Variants in GFRA1 observed in about 807,000 individuals in gnomAD.
GFRA1 encodes the protein GDNF family receptor alpha 1.
In GFRA1, 16 loss-of-function variants were observed where a neutral mutation model predicts 51.6. That is an observed-to-expected ratio of 0.31 (90% CI 0.21 to 0.47). GFRA1 has a LOEUF of 0.47. Among genes scored for constraint, GFRA1 ranks in the 20% least tolerant of loss-of-function variants. The pLI is 1.00. For synonymous variants in GFRA1, 270 were observed against 241.3 expected (o/e 1.12, Z -1.10); for missense variants, 530 against 594.3 (o/e 0.89, Z 1.13).
In GFRA1 at chr10:116,272,119, C is replaced by T. The variant is rs1419710674; in HGVS notation, c.-90G>A. On this transcript the variant is annotated 5_prime_UTR_variant, in exon 2 of 11. Transcript: ENST00000355422. This position sits in a 1 kb window ranked among gnomAD's most constrained non-coding sequence, Gnocchi z 4.4. ...GAGGGAGCTCAGCGTGCAGCGATCC[C>T]CGGACAGCTGTGCTGCTCTGGCCGC... 2 of 1,112,066 alleles carry T rather than the reference C, an allele frequency of 1.8e-6. No homozygotes were observed. Among genetic ancestry groups the T allele is most frequent in the African/African-American group, 3.1e-5 (2 of 65,068 alleles). 68.9% of individuals were successfully genotyped at this position (1,112,066 alleles called of 1,614,324 possible).
chr10:116,139,529 A>G (rs1410555687), intron 5 of GFRA1, among the ~76,000 whole-genome samples: 1 of 152,224 alleles, frequency 6.6e-6, no homozygotes, highest in Non-Finnish European at 1.5e-5. Context: ...AGCATGTGTG[A>G]GGCTGAAGCT....
Position 116,062,282 on chromosome 10 carries a change from A to G in GFRA1, c.*2116T>C. The G allele has an allele frequency of 2.5e-6, 1 of 396,694 alleles. No homozygotes were observed. The highest frequency in any genetic ancestry group is 4.4e-5 in the Admixed American group (1 of 22,722). 24.6% of individuals were successfully genotyped at this position (396,694 alleles called of 1,614,324 possible). On this transcript the variant is annotated 3_prime_UTR_variant, in exon 11 of 11. Coordinates refer to ENST00000355422, the MANE Select transcript of GFRA1 (RefSeq NM_005264.8). ...TTAATGAAAACAAAATACACTCTGT[A>G]AGAGATATGCGCTCATAGATAACTG...
At chr10:116,254,949 G>A (rs1437860518) in intron 4 of GFRA1, among the ~76,000 whole-genome samples, 1 of 152,152 alleles carries the variant, frequency 6.6e-6, no homozygotes, top group South Asian at 2.1e-4. Flanking sequence ...AGAAGACTGA[G>A]ATAAATGTGT....
intron 4 of GFRA1, among the ~76,000 whole-genome samples, chr10:116,219,529 T>C (rs565469693): frequency 2.3e-4 from 35 of 152,298 alleles, no homozygotes; most frequent in Non-Finnish European, 3.8e-4. Flanking sequence ...TAGCAACCAG[T>C]GTTTTCCTTT....
At chr10:116,267,559 C>T (rs1411244986) in intron 4 of GFRA1, among the ~76,000 whole-genome samples, 1 of 152,166 alleles carries the variant, frequency 6.6e-6, no homozygotes, top group African/African-American at 2.4e-5. Context: ...TGCTTTCTCA[C>T]TATCAATGAC....
chr10:116,154,686 C>G (rs754425156), intron 5 of GFRA1, among the ~76,000 whole-genome samples: 1 of 152,198 alleles, frequency 6.6e-6, no homozygotes, highest in Non-Finnish European at 1.5e-5. Flanking sequence ...GATTTGTTCA[C>G]TATTCTGTGA....
rs1311252468 is a variant in GFRA1, at chr10:116,059,251, A to C, written c.*5147T>G. On this transcript the variant is annotated 3_prime_UTR_variant, in exon 11 of 11. Transcript: ENST00000355422. ...CTATGGGTCATGCTTTCTGCTGAAG[A>C]AGCCTGGGTGTGAGCAGCAAGAGAT... 2 of 152,232 alleles carry C rather than the reference A, an allele frequency of 1.3e-5. No homozygotes were observed. The highest frequency in any genetic ancestry group is 2.4e-5 in the African/African-American group (1 of 41,456). The allele number at this position is 152,232 out of a possible 1,614,324, so 9.4% of individuals were successfully genotyped here.
intron 4 of GFRA1, among the ~76,000 whole-genome samples, chr10:116,251,963 CTTTTTTTTTTTTTT>C (rs3032041): frequency 2.5e-5 from 2 of 79,802 alleles, no homozygotes; most frequent in Non-Finnish European, 2.3e-5. Context: ...CAATAGGCCT[CTTTTTTTTTTTTTT>C]TTTTTTTTTT....
At chr10:116,156,695 G>A (rs1481735915) in intron 5 of GFRA1, among the ~76,000 whole-genome samples, 2 of 152,136 alleles carry the variant, frequency 1.3e-5, no homozygotes, top group African/African-American at 4.8e-5. Flanking sequence ...TTAACCATCT[G>A]TTTTTGGCTG....
At chr10:116,260,115 AT>A (rs1392664809) in intron 4 of GFRA1, among the ~76,000 whole-genome samples, 2 of 152,194 alleles carry the variant, frequency 1.3e-5, no homozygotes, top group African/African-American at 4.8e-5. Flanking sequence ...TGACCAAATG[AT>A]TAAAAGTCTG....
chr10:116,230,037 C>T (rs1286787072), intron 4 of GFRA1, among the ~76,000 whole-genome samples: 1 of 152,094 alleles, frequency 6.6e-6, no homozygotes, highest in Non-Finnish European at 1.5e-5. Context: ...TCTTGTTACC[C>T]TTTTCTATTT....
In GFRA1 at chr10:116,093,846, T is replaced by C. The variant is rs1196463873; in HGVS notation, c.881-10A>G. 5 of 1,613,664 alleles carry C rather than the reference T, an allele frequency of 3.1e-6. No individual in the cohort carries two copies. The highest frequency in any genetic ancestry group is 4.2e-6 in the Non-Finnish European group (5 of 1,179,710). On this transcript the variant is annotated splice_polypyrimidine_tract_variant and intron_variant, in intron 7 of 10. Transcript: ENST00000355422. ...GGGGTCATGACTGTGCCTAAAAGAA[T>C]AAAAACAAGGCATTTTATTGTTGTA...
chr10:116,076,455 G>A (rs1419764256), intron 9 of GFRA1, among the ~76,000 whole-genome samples: 2 of 152,270 alleles, frequency 1.3e-5, no homozygotes, highest in Admixed American at 6.5e-5. Context: ...GGAAGCCTGT[G>A]TCATTTCAGG....
intron 4 of GFRA1, among the ~76,000 whole-genome samples, chr10:116,236,191 C>A (rs530859953): frequency 6.6e-6 from 1 of 152,230 alleles, no homozygotes; most frequent in East Asian, 1.9e-4. Context: ...CTGAGGATAA[C>A]AACCCCAGCC....
At chr10:116,115,700 A>G (rs1957386253) in intron 6 of GFRA1, among the ~76,000 whole-genome samples, 1 of 152,126 alleles carries the variant, frequency 6.6e-6, no homozygotes, top group Non-Finnish European at 1.5e-5. Context: ...TGGATGAAAC[A>G]TCTTTGAAAA....
At chr10:116,231,954 AAGT>A (rs1409356671) in intron 4 of GFRA1, among the ~76,000 whole-genome samples, 1 of 152,202 alleles carries the variant, frequency 6.6e-6, no homozygotes, top group African/African-American at 2.4e-5. Context: ...AGAGTTGAAC[AAGT>A]AGATGTTATT....
chr10:116,143,013 G>C (rs1313717191), intron 5 of GFRA1, among the ~76,000 whole-genome samples: 1 of 152,202 alleles, frequency 6.6e-6, no homozygotes, highest in Non-Finnish European at 1.5e-5. Context: ...TGACGGGCCA[G>C]TATTTTTAAT....
intron 4 of GFRA1, among the ~76,000 whole-genome samples, chr10:116,226,553 G>C (rs571337976): frequency 5.9e-5 from 9 of 152,172 alleles, no homozygotes; most frequent in South Asian, 4.2e-4. Flanking sequence ...TGCTTCTCTA[G>C]ATCAGCAGTC....
chr10:116,071,162 GGT>G (rs1194427528), intron 9 of GFRA1, among the ~76,000 whole-genome samples: 3 of 152,182 alleles, frequency 2.0e-5, no homozygotes, highest in African/African-American at 7.2e-5. Flanking sequence ...GGCCAGCCAG[GGT>G]GAGGCTGGGC....
Sources: allele counts gnomAD v4.1 joint callset (sites outside exome capture counted in the v4.1 genomes callset), GRCh38; gene constraint gnomAD v4.1.1; non-coding constraint Gnocchi (gnomAD v3.1); transcripts MANE v1.5; gene names NCBI Gene and HGNC (gene_info 2026-07-23, HGNC 2026-07-21).